NR1H4: variants seen among roughly 807,000 people sequenced by gnomAD.
NR1H4 encodes bile acid receptor.
A neutral mutation model predicts 58.5 loss-of-function variants in NR1H4; 23 were observed. The ratio of observed to expected loss-of-function variants is 0.39; its 90% confidence interval spans 0.28 to 0.56. The LOEUF (loss-of-function observed/expected upper bound fraction) is 0.56. NR1H4 is among the 20% of genes least tolerant of loss of function. The probability of loss-of-function intolerance (pLI) is 0.58; values close to 1 mark genes in which losing one functional copy is unlikely to be tolerated. For synonymous variants in NR1H4, 214 were observed against 198.0 expected (o/e 1.08, Z -0.68); for missense variants, 487 against 576.9 (o/e 0.84, Z 1.60).
chr12:100,503,584 C>T (rs1953887969), intron 3 of NR1H4: 2 of 1,310,102 alleles, frequency 1.5e-6, no homozygotes, highest in African/African-American at 1.5e-5. Context: ...ATGACAGTAA[C>T]AGATGTCTGT....
intron 1 of NR1H4, among the ~76,000 whole-genome samples, chr12:100,490,904 C>T (rs1953591087): frequency 6.6e-6 from 1 of 152,142 alleles, no homozygotes; most frequent in Non-Finnish European, 1.5e-5. Context: ...GATCCTCCTG[C>T]TTCAACTTCC....
chr12:100,504,477 A>T (rs1187475528), intron 3 of NR1H4, among the ~76,000 whole-genome samples: 1 of 152,200 alleles, frequency 6.6e-6, no homozygotes, highest in African/African-American at 2.4e-5. Context: ...CATTTAATAA[A>T]CATTTACTAT....
At chr12:100,536,131 T>C (rs1439389070) in intron 6 of NR1H4, among the ~76,000 whole-genome samples, 5 of 151,734 alleles carry the variant, frequency 3.3e-5, no homozygotes, top group Non-Finnish European at 5.9e-5. Flanking sequence ...GAATAGTATA[T>C]GAATATAGTA....
chr12:100,538,808 A>T (rs754923885), intron 8 of NR1H4, among the ~76,000 whole-genome samples: 1 of 152,218 alleles, frequency 6.6e-6, no homozygotes, highest in Non-Finnish European at 1.5e-5. Flanking sequence ...CATAAAACTC[A>T]TAAAGTGTGA....
At chr12:100,478,069 T>C (rs1435416743) in intron 1 of NR1H4, among the ~76,000 whole-genome samples, 1 of 152,158 alleles carries the variant, frequency 6.6e-6, no homozygotes, top group African/African-American at 2.4e-5. Flanking sequence ...GATTGAGCCC[T>C]AATGTAAACT....
At chr12:100,520,516 C>T (rs1391698370) in intron 4 of NR1H4, among the ~76,000 whole-genome samples, 1 of 152,114 alleles carries the variant, frequency 6.6e-6, no homozygotes, top group Non-Finnish European at 1.5e-5. Context: ...CTGTTGGCTC[C>T]AGGAAGACAC....
chr12:100,496,461 T>C (rs1953717208), intron 3 of NR1H4, among the ~76,000 whole-genome samples: 1 of 152,132 alleles, frequency 6.6e-6, no homozygotes, highest in Non-Finnish European at 1.5e-5. Flanking sequence ...GCCCAAAGTC[T>C]GGAATGGACT....
In NR1H4 at chr12:100,518,878, C is replaced by T. The variant is rs535394137; in HGVS notation, c.445+7735C>T. Among the ~76,000 whole-genome samples the T allele has an allele frequency of 2.0e-5, 3 of 151,314 alleles. No individual in the cohort carries two copies. The East Asian group carries it at 5.9e-4, about 30-fold the overall frequency. ...CAATCTTGGCCCACAGCAACCTCCA[C>T]CTGGGTTCAAGTGATTCTCCTGCCT... is the stretch of plus-strand genomic sequence containing the variant. On this transcript the variant is annotated intron_variant, in intron 4 of 10. Transcript: ENST00000392986.
chr12:100,517,952 A>T (rs1279239238), intron 4 of NR1H4, among the ~76,000 whole-genome samples: 5 of 152,192 alleles, frequency 3.3e-5, no homozygotes, highest in Admixed American at 6.5e-5. Context: ...CCACTAAGTG[A>T]TTGTTCTGCT....
chr12:100,480,731 G>A (rs1292193687), intron 1 of NR1H4, among the ~76,000 whole-genome samples: 1 of 152,160 alleles, frequency 6.6e-6, no homozygotes, highest in Non-Finnish European at 1.5e-5. Flanking sequence ...CCAAAGCTTA[G>A]TGGCATAAAA....
At chr12:100,550,064 TC>T (rs1955169896) in intron 9 of NR1H4, among the ~76,000 whole-genome samples, 1 of 152,188 alleles carries the variant, frequency 6.6e-6, no homozygotes, top group African/African-American at 2.4e-5. Context: ...AAATTCATAC[TC>T]TTTTGTTTGC....
In NR1H4 at chr12:100,561,933, T is replaced by C. The variant is rs1248028520; in HGVS notation, c.1127T>C (p.Ile376Thr). The change falls in exon 10 of 11, where the codon ATT (isoleucine) becomes ACT (threonine). Residue 376 changes from isoleucine (I) to threonine (T), a missense_variant. Physicochemically the swap from Ile to Thr is moderately conservative, Grantham distance 89. Coordinates refer to ENST00000392986, the MANE Select transcript of NR1H4 (RefSeq NM_001206979.2). ...ITPMFSFYKSIGELKMTQEEY... is the reference protein window; with the variant it reads ...ITPMFSFYKSTGELKMTQEEY... Reference sequence around the variant, plus strand: ...CCTATGTTTAGTTTTTATAAAAGTATTGGGGAACTGAAAATGACTCAAGAG... The same window carrying C: ...CCTATGTTTAGTTTTTATAAAAGTACTGGGGAACTGAAAATGACTCAAGAG... The C allele has an allele frequency of 1.3e-6, 2 of 1,563,316 alleles. No homozygotes were observed. Among genetic ancestry groups the C allele is most frequent in the African/African-American group, 1.4e-5 (1 of 74,032 alleles).
chr12:100,545,658 AAAAAAAAAAAAC>A (rs1460399680), intron 9 of NR1H4, among the ~76,000 whole-genome samples: 3 of 147,130 alleles, frequency 2.0e-5, no homozygotes, highest in African/African-American at 7.7e-5. Context: ...AAAAAAAAAA[AAAAAAAAAAAAC>A]CAAACGGGGG....
chr12:100,537,214 C>T (rs1334536961), intron 8 of NR1H4, among the ~76,000 whole-genome samples, 167 bp downstream of exon 8: 1 of 152,194 alleles, frequency 6.6e-6, no homozygotes, highest in African/African-American at 2.4e-5. Context: ...ACTTATTTCA[C>T]TGCTATTCTC....
intron 1 of NR1H4, among the ~76,000 whole-genome samples, chr12:100,488,503 A>T (rs1953542746): frequency 6.6e-6 from 1 of 152,246 alleles, no homozygotes; most frequent in Non-Finnish European, 1.5e-5. Flanking sequence ...TAAAATCTTA[A>T]AGTCATTAGA....
At chr12:100,477,195 C>G (rs1249018235) in intron 1 of NR1H4, among the ~76,000 whole-genome samples, 1 of 152,122 alleles carries the variant, frequency 6.6e-6, no homozygotes, top group African/African-American at 2.4e-5. Context: ...TATTCCTACT[C>G]TCTCTGCTTT....
intron 4 of NR1H4, among the ~76,000 whole-genome samples, chr12:100,512,842 T>C (rs1272589513): frequency 6.6e-6 from 1 of 152,172 alleles, no homozygotes; most frequent in Non-Finnish European, 1.5e-5. Context: ...CACACTGGGG[T>C]TCCCTGATGT....
intron 8 of NR1H4, among the ~76,000 whole-genome samples, chr12:100,537,274 G>A (rs1394457016): frequency 6.6e-6 from 1 of 152,124 alleles, no homozygotes; most frequent in Non-Finnish European, 1.5e-5. Flanking sequence ...TTTGTAAAAT[G>A]AAAATCATTT....
intron 9 of NR1H4, among the ~76,000 whole-genome samples, chr12:100,550,244 C>CCATT (rs1029826898): frequency 6.6e-6 from 1 of 151,858 alleles, no homozygotes; most frequent in African/African-American, 2.4e-5. Context: ...TCCTAATGTA[C>CCATT]CATTACTTAC....
Sources: gnomAD v4.1 joint callset for allele counts (sites outside exome capture counted in the v4.1 genomes callset) on GRCh38, gnomAD v4.1.1 for gene constraint, MANE v1.5 for transcripts, NCBI Gene and HGNC (gene_info 2026-07-23, HGNC 2026-07-21) for gene names.